Variants in FRMD3 observed in about 807,000 individuals in gnomAD.
The protein encoded by FRMD3 is FERM domain containing 3.
Under a neutral mutation model 70.2 loss-of-function variants are expected in FRMD3, and 33 were observed. The ratio of observed to expected loss-of-function variants is 0.47; its 90% CI spans 0.36 to 0.63. FRMD3 has a LOEUF of 0.63. FRMD3 is among the 20% of genes least tolerant of loss of function. The pLI, the probability that FRMD3 is intolerant of heterozygous loss-of-function variation, is 0.00. For synonymous variants in FRMD3, 279 were observed against 255.9 expected (o/e 1.09, Z -0.86); for missense variants, 632 against 711.4 (o/e 0.89, Z 1.27).
chr9:83,565,953 G>T, the FRMD3 span, among the ~76,000 whole-genome samples: 1 of 152,200 alleles, frequency 6.6e-6, no homozygotes, highest in Non-Finnish European at 1.5e-5. Flanking sequence ...CTATTAAGTT[G>T]GGTGCTAAAG....
chr9:83,458,945 A>G (rs1435572813), intron 1 of FRMD3, among the ~76,000 whole-genome samples: 1 of 152,216 alleles, frequency 6.6e-6, no homozygotes, highest in African/African-American at 2.4e-5. Context: ...CATTTGCTTA[A>G]TACATGTTTA....
At chr9:83,487,846 C>T (rs1295628845) in intron 1 of FRMD3, among the ~76,000 whole-genome samples, 1 of 152,122 alleles carries the variant, frequency 6.6e-6, no homozygotes, top group Non-Finnish European at 1.5e-5. Flanking sequence ...GAGGGGTAGA[C>T]TCAAGGATCC....
the FRMD3 span, among the ~76,000 whole-genome samples, chr9:83,581,346 C>A: frequency 6.6e-6 from 1 of 152,090 alleles, no homozygotes; most frequent in African/African-American, 2.4e-5. Context: ...ACACAAATGA[C>A]CAATAAGCAC....
intron 1 of FRMD3, among the ~76,000 whole-genome samples, chr9:83,415,222 A>G (rs957523369): frequency 6.6e-6 from 1 of 152,156 alleles, no homozygotes; most frequent in East Asian, 1.9e-4. Context: ...GTTGAACCCG[A>G]CTGAAAGCCA....
chr9:83,251,569 C>T (rs189615019), intron 13 of FRMD3, among the ~76,000 whole-genome samples: 3 of 151,394 alleles, frequency 2.0e-5, no homozygotes. Flanking sequence ...ACGAACATCA[C>T]TGAGCTAAAG....
At chr9:83,488,236 T>C (rs1035143599) in intron 1 of FRMD3, among the ~76,000 whole-genome samples, 2 of 152,196 alleles carry the variant, frequency 1.3e-5, no homozygotes, top group Non-Finnish European at 2.9e-5. Context: ...AACATCTGAG[T>C]GATATGCTTC....
intron 1 of FRMD3, among the ~76,000 whole-genome samples, chr9:83,432,909 T>C (rs542922433): frequency 6.6e-6 from 1 of 152,300 alleles, no homozygotes; most frequent in Non-Finnish European, 1.5e-5. Flanking sequence ...TCCTTCTGAG[T>C]CTCCAATGTC....
chr9:83,369,095 C>T (rs1824885010), intron 3 of FRMD3, among the ~76,000 whole-genome samples: 1 of 152,104 alleles, frequency 6.6e-6, no homozygotes, highest in Admixed American at 6.5e-5. Context: ...CCTCGTAATG[C>T]ACCCACTTCG....
At chr9:83,278,059 G>C (rs886306188) in intron 13 of FRMD3, among the ~76,000 whole-genome samples, 6 of 152,192 alleles carry the variant, frequency 3.9e-5, no homozygotes, top group Non-Finnish European at 5.9e-5. Flanking sequence ...AGGTAGATTG[G>C]AGGAATTACT....
intron 1 of FRMD3, among the ~76,000 whole-genome samples, chr9:83,531,720 A>G (rs932443205): frequency 1.3e-5 from 2 of 152,238 alleles, no homozygotes; most frequent in Non-Finnish European, 2.9e-5. Flanking sequence ...TTTGCACATG[A>G]TAATATCATT....
intron 1 of FRMD3, among the ~76,000 whole-genome samples, chr9:83,516,803 T>C (rs952589764): frequency 1.5e-4 from 23 of 152,150 alleles, no homozygotes; most frequent in African/African-American, 5.6e-4. Flanking sequence ...AAATTAGAAC[T>C]CAGGATTAAG....
At position 83,472,089 on chromosome 9, in the gene FRMD3, G is replaced by A. The variant is rs573759464; in HGVS notation, c.147+65996C>T. Reference sequence around the variant, plus strand: ...AAGGGACTAGGGTGCTACCAGAGATGCCACTGGGAAAAACTCCATTCCCAG... The same window carrying A: ...AAGGGACTAGGGTGCTACCAGAGATACCACTGGGAAAAACTCCATTCCCAG... On this transcript the variant is annotated intron_variant, in intron 1 of 13. Transcript: ENST00000304195. Among the ~76,000 whole-genome samples, 33 of 136,712 alleles carry A rather than the reference G, an allele frequency of 2.4e-4. No homozygotes were observed. The East Asian group carries it at 4.4e-3, about 18-fold the overall frequency. The allele number at this position is 136,712 out of a possible 152,430, so 89.7% of individuals were successfully genotyped here.
intron 1 of FRMD3, among the ~76,000 whole-genome samples, chr9:83,444,183 C>T (rs180879473): frequency 1.1e-3 from 162 of 152,282 alleles, no homozygotes; most frequent in African/African-American, 3.6e-3. Flanking sequence ...ACAGGGAGAC[C>T]CAGAAGCAGG....
At chr9:83,569,100 T>G in the FRMD3 span, among the ~76,000 whole-genome samples, 1 of 152,152 alleles carries the variant, frequency 6.6e-6, no homozygotes, top group Admixed American at 6.6e-5. Flanking sequence ...TAAACTTTTC[T>G]TTGCAAAGAT....
chr9:83,484,526 T>C (rs776644924), intron 1 of FRMD3, among the ~76,000 whole-genome samples: 12 of 152,180 alleles, frequency 7.9e-5, no homozygotes, highest in Non-Finnish European at 1.6e-4. Context: ...CAAGCCATTC[T>C]CGTGCCTCAG....
intron 12 of FRMD3, among the ~76,000 whole-genome samples, chr9:83,297,220 T>C (rs1303221421): frequency 6.6e-6 from 1 of 152,200 alleles, no homozygotes; most frequent in Non-Finnish European, 1.5e-5. Flanking sequence ...CCAGGAGAAC[T>C]CCCTCAGCAT....
At chr9:83,358,338 T>C (rs1824471118) in intron 3 of FRMD3, among the ~76,000 whole-genome samples, 2 of 152,236 alleles carry the variant, frequency 1.3e-5, no homozygotes, top group East Asian at 3.8e-4. Context: ...TATGACCTTA[T>C]AGTATATAGT....
intron 1 of FRMD3, among the ~76,000 whole-genome samples, chr9:83,431,096 C>T (rs1826962701): frequency 6.6e-6 from 1 of 152,210 alleles, no homozygotes; most frequent in African/African-American, 2.4e-5. Context: ...GATCCATTGG[C>T]CCTTTATTGA....
At chr9:83,356,271 A>ATTT (rs869149609) in intron 3 of FRMD3, among the ~76,000 whole-genome samples, 1,010 of 94,424 alleles carry the variant, frequency 0.011, 65 homozygotes, top group East Asian at 0.056. Context: ...ACTCAGCAGC[A>ATTT]TTTTTTTTTT....
Sources: allele counts gnomAD v4.1 joint callset (sites outside exome capture counted in the v4.1 genomes callset), GRCh38; gene constraint gnomAD v4.1.1; transcripts MANE v1.5; gene names NCBI Gene and HGNC (gene_info 2026-07-23, HGNC 2026-07-21).